ATP9A: variants seen among roughly 807,000 people sequenced by gnomAD.
ATP9A encodes ATPase phospholipid transporting 9A.
In ATP9A, 52 loss-of-function variants were observed where a neutral mutation model predicts 144.1. That is an observed-to-expected ratio of 0.36 (90% CI 0.29 to 0.45). The LOEUF (loss-of-function observed/expected upper bound fraction) is 0.45, where lower values mean the gene tolerates loss of function less well. Ranked by LOEUF, ATP9A falls within the 20% of genes least tolerant of loss-of-function variation. The pLI, the probability that ATP9A is intolerant of heterozygous loss-of-function variation, is 1.00. For synonymous variants in ATP9A, 582 were observed against 557.4 expected (o/e 1.04, Z -0.62); for missense variants, 947 against 1,392.7 (o/e 0.68, Z 5.09).
intron 1 of ATP9A, among the ~76,000 whole-genome samples, chr20:51,751,868 G>A (rs1230947514): frequency 2.0e-5 from 3 of 152,110 alleles, no homozygotes; most frequent in South Asian, 2.1e-4. Context: ...GATTATAGGC[G>A]TGAGCCACCG....
intron 14 of ATP9A, among the ~76,000 whole-genome samples, chr20:51,647,482 C>T (rs977328082): frequency 2.1e-4 from 32 of 151,702 alleles, no homozygotes; most frequent in African/African-American, 7.2e-4. Flanking sequence ...ACCCGGGAGG[C>T]GGAGGTTGCA....
chr20:51,619,425 TG>T (rs2077217080), intron 19 of ATP9A, among the ~76,000 whole-genome samples: 1 of 151,714 alleles, frequency 6.6e-6, no homozygotes, highest in Non-Finnish European at 1.5e-5. Context: ...TAGCTGGGCA[TG>T]GTGGTGGGTG....
intron 7 of ATP9A, among the ~76,000 whole-genome samples, chr20:51,692,592 A>C (rs1361552859): frequency 6.6e-6 from 1 of 152,172 alleles, no homozygotes; most frequent in Non-Finnish European, 1.5e-5. Flanking sequence ...AATTGAGGCC[A>C]GGAGTTTGAG....
At position 51,596,658 on chromosome 20, in the gene ATP9A, GTT is replaced by G. The variant is rs1227740437; in HGVS notation, c.*4551_*4552del. 2 of 151,984 alleles carry G rather than the reference GTT, an allele frequency of 1.3e-5. No homozygotes were observed. Among genetic ancestry groups the G allele is most frequent in the African/African-American group, 2.4e-5 (1 of 41,344 alleles). The allele number at this position is 151,984 out of a possible 1,614,324, so 9.4% of individuals were successfully genotyped here. A position where few individuals can be genotyped will look rare whatever the true frequency, so the allele number is the denominator to read the frequency against. On this transcript the variant is annotated 3_prime_UTR_variant, in exon 28 of 28. Transcript: ENST00000338821. ...AAAATAATTTTCTGAACTGGAAAGA[GTT>G]TTCTTTACATTTCATGTACCATGAA...
chr20:51,740,386 T>C (rs1368871892), intron 1 of ATP9A, among the ~76,000 whole-genome samples: 1 of 149,136 alleles, frequency 6.7e-6, no homozygotes, highest in Non-Finnish European at 1.5e-5. Context: ...GTTGGGAGTC[T>C]GTCAGCCACT....
In ATP9A at chr20:51,676,181, G is replaced by T; in HGVS notation, c.827C>A (p.Thr276Asn). 1 of 1,608,150 alleles carries T rather than the reference G, an allele frequency of 6.2e-7. No homozygotes were observed. Among genetic ancestry groups the T allele is most frequent in the Non-Finnish European group, 8.5e-7 (1 of 1,178,082 alleles). ...CATGACACTCCGGAGTTCTCTGCCA[G>T]TGTAAAGAACAACACCCACAACAGT... ...SGTVVGVVLY[T>N]GRELRSVMNT... is the part of the protein sequence containing the mutation. Residue 276 changes from threonine to asparagine, a missense_variant, in exon 10 of 28, where the codon ACT (threonine) becomes AAT (asparagine). Thr to Asn is a moderately conservative substitution (Grantham distance 65). This residue lies in a region of ATP9A where 770 missense variants were observed against 1,047.9 expected (regional missense o/e 0.73). Coordinates refer to ENST00000338821, the MANE Select transcript of ATP9A (RefSeq NM_006045.3).
chr20:51,644,221 T>C (rs1362971022), intron 14 of ATP9A, among the ~76,000 whole-genome samples: 4 of 150,970 alleles, frequency 2.6e-5, no homozygotes, highest in Admixed American at 6.6e-5. Context: ...GAAATGTTTA[T>C]AGAGTGATAC....
At chr20:51,755,452 T>A (rs917500036) in intron 1 of ATP9A, among the ~76,000 whole-genome samples, 9 of 151,506 alleles carry the variant, frequency 5.9e-5, no homozygotes, top group South Asian at 2.1e-4. Flanking sequence ...AAAAAAAAAA[T>A]TTCTTATAAT....
chr20:51,632,433 T>C (rs1259110945), intron 15 of ATP9A, among the ~76,000 whole-genome samples: 1 of 152,190 alleles, frequency 6.6e-6, no homozygotes, highest in African/African-American at 2.4e-5. Context: ...TGGACAGTCA[T>C]TTGCATAGAG....
At chr20:51,602,084 T>C (rs1601048166) in intron 27 of ATP9A, among the ~76,000 whole-genome samples, 1 of 152,100 alleles carries the variant, frequency 6.6e-6, no homozygotes, top group East Asian at 1.9e-4. Context: ...AGCCACAGGA[T>C]GAGTCTGGGT....
At chr20:51,671,091 C>G (rs569628822) in intron 12 of ATP9A, 24 bp downstream of exon 12, 71 of 1,608,538 alleles carry the variant, frequency 4.4e-5, no homozygotes, top group Admixed American at 2.2e-4. Context: ...AGGAATCCTG[C>G]GCAGGTCCCA....
intron 23 of ATP9A, among the ~76,000 whole-genome samples, chr20:51,610,975 G>A (rs548840200): frequency 6.6e-6 from 1 of 152,302 alleles, no homozygotes; most frequent in African/African-American, 2.4e-5. Context: ...ATAGGCTGGG[G>A]AGATCCAATC....
intron 1 of ATP9A, among the ~76,000 whole-genome samples, chr20:51,758,429 T>C (rs996123101): frequency 3.3e-5 from 5 of 152,162 alleles, no homozygotes; most frequent in Non-Finnish European, 5.9e-5. Context: ...CTTTCAACAT[T>C]TCCATCTGGG....
chr20:51,674,158 G>A lies in ATP9A; in HGVS notation c.1032C>T (p.Pro344=). ...RFLLLFSNII[P]ISLRVNLDMG... is the part of the protein sequence containing the mutation. ...CAAGCTCGTCGCCTGCTTACCTAAT[G>A]GGGATGATGTTGGAAAACAAGAGGA... Residue 344 remains proline, a synonymous_variant, in exon 11 of 28, where the codon CCC becomes CCT. Transcript: ENST00000338821. 6.2e-7 allele frequency: 1 copy of A among 1,613,910 alleles called. No homozygotes were observed.
intron 13 of ATP9A, among the ~76,000 whole-genome samples, chr20:51,658,817 A>AC (rs1483919164): frequency 7.2e-6 from 1 of 138,232 alleles, no homozygotes; most frequent in East Asian, 2.3e-4. Context: ...ACCGTGCCCG[A>AC]CCCCCACCTA....
Position 51,675,000 on chromosome 20 carries a change from C to T in ATP9A, c.877-687G>A, listed in dbSNP as rs1168106672. On this transcript the variant is annotated intron_variant, in intron 10 of 27. Coordinates refer to ENST00000338821, the MANE Select transcript of ATP9A (RefSeq NM_006045.3). ...CTAATTTTTGTATTTTTAGTAGAGA[C>T]GGAGTTTCGCCATGTTGGCCAGGCT... is the stretch of plus-strand genomic sequence containing the variant. Among the ~76,000 whole-genome samples the T allele has an allele frequency of 3.3e-5, 5 of 152,164 alleles. No homozygotes were observed. The South Asian group carries it at 6.2e-4, about 19-fold the overall frequency.
At chr20:51,763,253 G>T (rs1362004946) in intron 1 of ATP9A, among the ~76,000 whole-genome samples, 1 of 151,806 alleles carries the variant, frequency 6.6e-6, no homozygotes, top group Non-Finnish European at 1.5e-5. Flanking sequence ...CAAAACCCAT[G>T]CCGGAGTGAT....
intron 1 of ATP9A, among the ~76,000 whole-genome samples, chr20:51,764,827 T>G (rs1262191227): frequency 6.6e-6 from 1 of 152,064 alleles, no homozygotes; most frequent in Non-Finnish European, 1.5e-5. Context: ...GTTCAAGCAA[T>G]TCTCCTGCCT....
chr20:51,619,882 A>G (rs1471833263), intron 19 of ATP9A, among the ~76,000 whole-genome samples: 4 of 151,806 alleles, frequency 2.6e-5, no homozygotes, highest in African/African-American at 4.8e-5. Context: ...AAAAAAAAAA[A>G]AAAAAAGCCT....
Sources: gnomAD v4.1 joint callset for allele counts (sites outside exome capture counted in the v4.1 genomes callset) on GRCh38, gnomAD v4.1.1 for gene constraint, gnomAD v4.1.1 regional missense constraint, MANE v1.5 for transcripts, NCBI Gene and HGNC (gene_info 2026-07-23, HGNC 2026-07-21) for gene names.